Variants in DLC1 observed in about 807,000 individuals in gnomAD.
DLC1 encodes the protein rho GTPase-activating protein 7.
Under a neutral mutation model 140.3 loss-of-function variants are expected in DLC1, and 54 were observed. The observed-to-expected ratio is 0.38, with a 90% CI of 0.31 to 0.48. The LOEUF (loss-of-function observed/expected upper bound fraction) is 0.48, where lower values mean the gene tolerates loss of function less well. DLC1 is among the 20% of genes least tolerant of loss of function. DLC1 has a pLI of 0.96. For missense variants in DLC1, 2,536 were observed against 1,907.0 expected (o/e 1.33, Z -6.14); for synonymous variants, 986 against 728.1 (o/e 1.35, Z -5.70).
intron 1 of DLC1, among the ~76,000 whole-genome samples, chr8:13,503,362 C>T (rs946376697): frequency 5.3e-5 from 8 of 152,012 alleles, no homozygotes; most frequent in African/African-American, 1.7e-4. Flanking sequence ...CATGATCGCA[C>T]CACTGCACTC....
intron 5 of DLC1, among the ~76,000 whole-genome samples, chr8:13,206,373 G>C (rs1312984042): frequency 6.6e-6 from 1 of 152,136 alleles, no homozygotes; most frequent in Non-Finnish European, 1.5e-5. Context: ...AAAAGGTTTG[G>C]AATATACAGT....
rs992594905 is a variant in DLC1 at position 13,161,689 on chromosome 8, A to G, written c.1349-46032T>C. On this transcript the variant is annotated intron_variant, in intron 5 of 17. Transcript: ENST00000276297. ...TCTGGTTTGAGGGTGACTGGTTTAT[A>G]TGTACCTCTGTTCCTTATGGAAATG... is the stretch of plus-strand genomic sequence containing the variant. Among the ~76,000 whole-genome samples, 5 of 152,102 alleles carry G rather than the reference A, an allele frequency of 3.3e-5. No individual in the cohort carries two copies. The South Asian group carries it at 1.0e-3, about 32-fold the overall frequency.
At chr8:13,253,211 G>C (rs1275803700) in intron 5 of DLC1, among the ~76,000 whole-genome samples, 2 of 152,150 alleles carry the variant, frequency 1.3e-5, no homozygotes, top group African/African-American at 4.8e-5. Context: ...AATAAGAATA[G>C]TCATGCAAAT....
chr8:13,299,145 GA>G (rs535848788), intron 5 of DLC1, among the ~76,000 whole-genome samples: 1,872 of 144,318 alleles, frequency 0.013, 21 homozygotes, highest in African/African-American at 0.038. Context: ...CATTTACTTT[GA>G]AAAAAAAAAA....
chr8:13,326,540 G>T (rs1468937948), intron 4 of DLC1, among the ~76,000 whole-genome samples: 6 of 152,138 alleles, frequency 3.9e-5, no homozygotes, highest in African/African-American at 1.4e-4. Context: ...TATTAAGTTG[G>T]ACACCAACAT....
intron 5 of DLC1, among the ~76,000 whole-genome samples, chr8:13,183,037 C>A (rs1477131964): frequency 6.6e-6 from 1 of 152,112 alleles, no homozygotes; most frequent in Non-Finnish European, 1.5e-5. Flanking sequence ...TGCTTCGCAT[C>A]CCTTGTAAGT....
At chr8:13,377,336 T>A (rs1836041785) in intron 4 of DLC1, among the ~76,000 whole-genome samples, 1 of 152,230 alleles carries the variant, frequency 6.6e-6, no homozygotes, top group Admixed American at 6.5e-5. Flanking sequence ...AAATTACATA[T>A]CCTTTGATAA....
intron 1 of DLC1, among the ~76,000 whole-genome samples, chr8:13,581,088 C>T (rs530147713): frequency 4.6e-5 from 7 of 152,334 alleles, no homozygotes; most frequent in African/African-American, 1.7e-4. Flanking sequence ...GACTCTATTA[C>T]AAAGTATTTA....
chr8:13,417,749 T>C (rs1838139297), intron 2 of DLC1, among the ~76,000 whole-genome samples: 3 of 152,278 alleles, frequency 2.0e-5, no homozygotes, highest in East Asian at 1.9e-4. Context: ...CTGGGTCAAA[T>C]GGTATTTCTA....
At chr8:13,492,486 C>G (rs1801300920) in intron 2 of DLC1, among the ~76,000 whole-genome samples, 1 of 38,462 alleles carries the variant, frequency 2.6e-5, no homozygotes, top group Admixed American at 1.7e-4. Flanking sequence ...TTTTTTCTAT[C>G]ACTTACTCTC....
At chr8:13,329,951 G>T (rs1337619707) in intron 4 of DLC1, among the ~76,000 whole-genome samples, 1 of 152,030 alleles carries the variant, frequency 6.6e-6, no homozygotes, top group East Asian at 1.9e-4. Flanking sequence ...TCATTATCCA[G>T]TGTTTATTTT....
intron 4 of DLC1, among the ~76,000 whole-genome samples, chr8:13,388,829 A>G (rs289553): frequency 0.84 from 128,039 of 151,994 alleles, 54,084 homozygotes; most frequent in East Asian, 0.98. Context: ...AATGATGTTA[A>G]AAGCCTGTAA....
intron 1 of DLC1, among the ~76,000 whole-genome samples, chr8:13,578,657 C>T (rs1386274124): frequency 6.6e-6 from 1 of 152,138 alleles, no homozygotes; most frequent in East Asian, 1.9e-4. Flanking sequence ...GCTCACAGAG[C>T]TTAGAGAAAC....
intron 2 of DLC1, among the ~76,000 whole-genome samples, chr8:13,409,682 C>A (rs1000293825): frequency 6.6e-6 from 1 of 152,166 alleles, no homozygotes; most frequent in Non-Finnish European, 1.5e-5. Context: ...CCCTTGGCTT[C>A]AAGAGCAATG....
intron 2 of DLC1, among the ~76,000 whole-genome samples, chr8:13,453,554 ATATTTTTT>A (rs1193288312): frequency 0.011 from 356 of 33,342 alleles, 50 homozygotes; most frequent in African/African-American, 0.021. Context: ...ATATATATAT[ATATTTTTT>A]TTTTTTTTTT....
intron 4 of DLC1, among the ~76,000 whole-genome samples, chr8:13,361,952 C>T (rs995710169): frequency 2.0e-5 from 3 of 152,074 alleles, no homozygotes; most frequent in Non-Finnish European, 4.4e-5. Context: ...ATAGTCAAGG[C>T]AGGAAGAAGA....
At chr8:13,223,334 T>G (rs1387830339) in intron 5 of DLC1, among the ~76,000 whole-genome samples, 2 of 152,216 alleles carry the variant, frequency 1.3e-5, no homozygotes, top group African/African-American at 4.8e-5. Context: ...TGCAGCCTCT[T>G]CGCACGTAAT....
intron 1 of DLC1, among the ~76,000 whole-genome samples, chr8:13,534,573 T>C (rs1803205970): frequency 6.6e-6 from 1 of 152,124 alleles, no homozygotes; most frequent in Admixed American, 6.5e-5. Flanking sequence ...GAAGCAGAGA[T>C]ATCTCTTTGC....
chr8:13,309,428 G>A (rs764538887), intron 4 of DLC1, among the ~76,000 whole-genome samples: 2 of 152,138 alleles, frequency 1.3e-5, no homozygotes, highest in Non-Finnish European at 2.9e-5. Context: ...TTCTCCACAT[G>A]TAAAGATTTT....
Sources: allele counts gnomAD v4.1 joint callset (sites outside exome capture counted in the v4.1 genomes callset), GRCh38; gene constraint gnomAD v4.1.1; transcripts MANE v1.5; gene names NCBI Gene and HGNC (gene_info 2026-07-23, HGNC 2026-07-21).